BTN3A1: variants seen among roughly 807,000 people sequenced by gnomAD.
BTN3A1 encodes dJ45P21.3 (butyrophilin, subfamily 3, member A1).
BTN3A1 carries 24 observed loss-of-function variants against 43.0 expected under a neutral mutation model. The observed-to-expected ratio is 0.56, with a 90% confidence interval of 0.40 to 0.78. The LOEUF (loss-of-function observed/expected upper bound fraction) is 0.78, where lower values mean the gene tolerates loss of function less well. BTN3A1 is among the 30% of genes least tolerant of loss of function. The pLI is 0.00. For synonymous variants in BTN3A1, 181 were observed against 234.7 expected, an observed-to-expected ratio of 0.77 and a Z score of 2.09; for missense variants, 533 against 626.2, an observed-to-expected ratio of 0.85 and a Z score of 1.59.
rs12213625 is a variant in BTN3A1 at position 26,414,834 on chromosome 6, C to A, written c.*1142C>A. Reference sequence around the variant, plus strand: ...CCCGAGTACTGGGAATATAGGTGCACGCCACCACACCCAACAAATTTTTGT... The same window carrying A: ...CCCGAGTACTGGGAATATAGGTGCAAGCCACCACACCCAACAAATTTTTGT... On this transcript the variant is annotated 3_prime_UTR_variant, in exon 10 of 10. Coordinates refer to ENST00000289361, the MANE Select transcript of BTN3A1 (RefSeq NM_007048.6). The A allele has an allele frequency of 0.17, 25,689 of 151,896 alleles. 2,262 individuals are homozygous for A. Among genetic ancestry groups the A allele is most frequent in the South Asian group, 0.22 (1,044 of 4,806 alleles). 9.4% of individuals were successfully genotyped at this position (151,896 alleles called of 1,614,324 possible).
At chr6:26,408,430 G>C (rs544976182) in intron 4 of BTN3A1, among the ~76,000 whole-genome samples, 1 of 152,202 alleles carries the variant, frequency 6.6e-6, no homozygotes, top group African/African-American at 2.4e-5. Context: ...TTCACTTATG[G>C]TATTGGCAAA....
At position 26,412,236 on chromosome 6, in the gene BTN3A1, C is replaced by T. The variant is rs919395956; in HGVS notation, c.1018+655C>T. The stretch of plus-strand genomic sequence containing the variant: ...AGCTGTCTCCACTCCTACACTGGGA[C>T]GGCTAGGGAGGGGAGGCAGTTACTG... On this transcript the variant is annotated intron_variant, in intron 9 of 9. Transcript: ENST00000289361. The T allele has an allele frequency of 1.4e-4, 79 of 576,038 alleles. 1 individual carries two copies. Among genetic ancestry groups the T allele is most frequent in the Middle Eastern group, 4.8e-4 (1 of 2,100 alleles). The allele number at this position is 576,038 out of a possible 1,614,324, so 35.7% of individuals were successfully genotyped here.
chr6:26,410,820 G>C (rs1762187007), intron 7 of BTN3A1, among the ~76,000 whole-genome samples: 1 of 149,696 alleles, frequency 6.7e-6, no homozygotes, highest in African/African-American at 2.5e-5. Flanking sequence ...TAGACATGGA[G>C]ACACCTATGC....
intron 1 of BTN3A1, among the ~76,000 whole-genome samples, chr6:26,403,792 A>G (rs1310714162): frequency 6.6e-6 from 1 of 152,150 alleles, no homozygotes; most frequent in Non-Finnish European, 1.5e-5. Flanking sequence ...CCAAATTGCA[A>G]GGATTACAGG....
rs138061479 is a variant in BTN3A1 at position 26,410,774 on chromosome 6, T to A, written c.965-335T>A. On this transcript the variant is annotated intron_variant, in intron 7 of 9. Coordinates refer to ENST00000289361, the MANE Select transcript of BTN3A1 (RefSeq NM_007048.6). ...ATATACACATATATATGTGCATATATATGTATATATATATGTGTATATATA... is the reference window on the plus strand; with the variant it reads ...ATATACACATATATATGTGCATATAAATGTATATATATATGTGTATATATA... Among the ~76,000 whole-genome samples, 690 of 149,844 alleles carry A rather than the reference T, an allele frequency of 4.6e-3. 3 individuals carry two copies. The highest frequency in any genetic ancestry group is 0.015 in the African/African-American group (628 of 40,992).
intron 1 of BTN3A1, 37 bp from the exon 2 acceptor site, chr6:26,405,335 T>C (rs1251366670): frequency 5.0e-6 from 3 of 595,852 alleles, no homozygotes; most frequent in Non-Finnish European, 9.0e-6. Context: ...TCTGATCGAA[T>C]AACAGATGTG....
At chr6:26,409,199 T>C (rs55957716) in intron 4 of BTN3A1, among the ~76,000 whole-genome samples, 25,652 of 151,878 alleles carry the variant, frequency 0.17, 2,259 homozygotes, top group South Asian at 0.23. Flanking sequence ...ATGGGAGACT[T>C]ACGTGACTTT....
At chr6:26,404,001 A>G (rs976238003) in intron 1 of BTN3A1, 1 of 152,208 alleles carries the variant, frequency 6.6e-6, no homozygotes, top group African/African-American at 2.4e-5. Flanking sequence ...AGCAGTTTCG[A>G]GGAGCAAAAG....
In BTN3A1 at chr6:26,409,989, T is replaced by C; in HGVS notation, c.938-17T>C. On this transcript the variant is annotated splice_polypyrimidine_tract_variant and intron_variant, in intron 6 of 9. Coordinates refer to ENST00000289361, the MANE Select transcript of BTN3A1 (RefSeq NM_007048.6). ...TTATGCGCCTTGATGCATCTTCCCC[T>C]GTTCCTTCCGTTGCAGGATGGAGAA... is the stretch of plus-strand genomic sequence containing the variant. The C allele has an allele frequency of 6.2e-7, 1 of 1,614,216 alleles. No homozygotes were observed. The highest frequency in any genetic ancestry group is 1.1e-5 in the South Asian group (1 of 91,086).
intron 2 of BTN3A1, 50 bp from the exon 3 acceptor site, chr6:26,405,859 T>C (rs1484380854): frequency 1.2e-6 from 2 of 1,613,028 alleles, no homozygotes; most frequent in Non-Finnish European, 1.7e-6. Flanking sequence ...CTTCCTCTCA[T>C]GACCCCAACT....
rs1762133474 is a variant in BTN3A1 at position 26,409,550 on chromosome 6, G to A, written c.733G>A (p.Ala245Thr). 3 of 1,613,746 alleles carry A rather than the reference G, an allele frequency of 1.9e-6. No individual in the cohort carries two copies. Among genetic ancestry groups the A allele is most frequent in the Admixed American group, 1.7e-5 (1 of 59,984 alleles). ...ISIADPFFRS[A>T]QRWIAALAGT... is the part of the protein sequence containing the mutation. ...CTTCACAGACCCCTTCTTCAGGAGC[G>A]CCCAGAGGTGGATCGCCGCCCTGGC... The change falls in exon 5 of 10, where the codon GCC (alanine) becomes ACC (threonine). Residue 245 changes from alanine to threonine, a missense_variant. Transcript: ENST00000289361.
rs780221853 is a variant in BTN3A1 at position 26,410,006 on chromosome 6, G to T, written c.938G>T (p.Arg313Ile). The change falls in exon 7 of 10, where the codon AGA (arginine) becomes ATA (isoleucine). Residue 313 changes from arginine to isoleucine, a missense_variant and splice_region_variant. Arg to Ile is a moderately conservative substitution (Grantham distance 97). Around this residue, in one of 4 missense-constraint regions of BTN3A1, gnomAD observed 415 missense variants for 427.0 expected, o/e 0.97. Coordinates refer to ENST00000289361, the MANE Select transcript of BTN3A1 (RefSeq NM_007048.6). ...TCTTCCCCTGTTCCTTCCGTTGCAG[G>T]ATGGAGAAGTATCCAGTATGCATCT... ...STRVKLLEEL[R>I]WRSIQYASRG... The T allele has an allele frequency of 2.5e-6, 4 of 1,614,136 alleles. No individual in the cohort carries two copies. The highest frequency in any genetic ancestry group is 2.5e-6 in the Non-Finnish European group (3 of 1,180,026).
chr6:26,411,275 G>T, intron 8 of BTN3A1, 140 bp downstream of exon 8: 2 of 1,201,826 alleles, frequency 1.7e-6, no homozygotes, highest in Non-Finnish European at 1.2e-6. Context: ...GTTGTGGGGG[G>T]TTGATTTCTG....
At chr6:26,412,656 A>C in intron 9 of BTN3A1, 1 of 1,550,916 alleles carries the variant, frequency 6.4e-7, no homozygotes, top group Non-Finnish European at 8.7e-7. Flanking sequence ...AAATAACATG[A>C]TTGCCTTCTA....
At position 26,409,670 on chromosome 6, in the gene BTN3A1, AAGAG is replaced by A. The variant is rs1245679318; in HGVS notation, c.858_861del (p.Arg286SerfsTer4). ...AAAAAAGACTCAGTTCAGAAAGAAA[AAGAG>A]AGAGCAAGAGTTGAGAGAAATGGCA... On this transcript the variant is annotated frameshift_variant, in exon 5 of 10. Transcript: ENST00000289361. LOFTEE classifies it high-confidence loss of function. 2 of 1,594,876 alleles carry A rather than the reference AAGAG, an allele frequency of 1.3e-6. No individual in the cohort carries two copies. The highest frequency in any genetic ancestry group is 2.2e-5 in the East Asian group (1 of 44,806).
At chr6:26,407,003 G>T (rs1356756021) in intron 3 of BTN3A1, among the ~76,000 whole-genome samples, 3 of 152,118 alleles carry the variant, frequency 2.0e-5, no homozygotes, top group Non-Finnish European at 4.4e-5. Context: ...TTGCTGATGG[G>T]GGTTGTTTGG....
rs1329959072 is a variant in BTN3A1, at chr6:26,413,802, T to C, written c.*110T>C. 1.9e-6 allele frequency: 3 copies of C among 1,594,650 alleles called. No homozygotes were observed. Among genetic ancestry groups the C allele is most frequent in the Admixed American group, 1.7e-5 (1 of 59,556 alleles). ...GTGGGGAGCCTCAGGCTGAAGTAAC[T>C]TTTCTCTGCTTCTCCCTGCCCAGCT... On this transcript the variant is annotated 3_prime_UTR_variant, in exon 10 of 10. Coordinates refer to ENST00000289361, the MANE Select transcript of BTN3A1 (RefSeq NM_007048.6).
In BTN3A1 at chr6:26,405,400, G is replaced by A; in HGVS notation, c.-164G>A. 1.6e-6 allele frequency: 1 copy of A among 634,062 alleles called. No individual in the cohort carries two copies. The allele number at this position is 634,062 out of a possible 1,614,324, so 39.3% of individuals were successfully genotyped here. On this transcript the variant is annotated 5_prime_UTR_variant, in exon 2 of 10. Coordinates refer to ENST00000289361, the MANE Select transcript of BTN3A1 (RefSeq NM_007048.6). ...ATTTTCAATGTTGGGACTCAAAGGT[G>A]AAGACACTGAAGGACAGAATTTTTG... is the stretch of plus-strand genomic sequence containing the variant.
At chr6:26,405,754 G>C in intron 2 of BTN3A1, 106 bp downstream of exon 2, 1 of 1,580,700 alleles carries the variant, frequency 6.3e-7, no homozygotes, top group Non-Finnish European at 8.7e-7. Flanking sequence ...CGATCTGAAG[G>C]TTCACCCGTC....
Sources: allele counts gnomAD v4.1 joint callset (sites outside exome capture counted in the v4.1 genomes callset), GRCh38; gene constraint gnomAD v4.1.1; regional missense constraint gnomAD v4.1.1; transcripts MANE v1.5; gene names NCBI Gene and HGNC (gene_info 2026-07-23, HGNC 2026-07-21).